Variants in ST6GALNAC3 observed in about 807,000 individuals in gnomAD.
The protein encoded by ST6GALNAC3 is ST6 N-acetylgalactosaminide alpha-2,6-sialyltransferase 3, also known as alpha-N-acetylgalactosaminide alpha-2,6-sialyltransferase 3.
A neutral mutation model predicts 32.7 loss-of-function variants in ST6GALNAC3; 25 were observed. That is an observed-to-expected ratio of 0.76 (90% CI 0.56 to 1.07). ST6GALNAC3 has a LOEUF of 1.07. Among genes scored for constraint, ST6GALNAC3 ranks in the 50% least tolerant of loss-of-function variants. ST6GALNAC3 has a pLI of 0.00. For synonymous variants in ST6GALNAC3, 129 were observed against 133.1 expected, an observed-to-expected ratio of 0.97 and a Z score of 0.21; for missense variants, 355 against 382.4, an observed-to-expected ratio of 0.93 and a Z score of 0.60.
intron 3 of ST6GALNAC3, among the ~76,000 whole-genome samples, chr1:76,424,202 A>G (rs1028133299): frequency 1.3e-5 from 2 of 151,922 alleles, no homozygotes; most frequent in Non-Finnish European, 2.9e-5. Context: ...TAGTGATTGT[A>G]ATTAATTTGC....
chr1:76,634,749 G>A (rs1314258384), downstream of ST6GALNAC3: 4 of 90,138 alleles, frequency 4.4e-5, 2 homozygotes, highest in African/African-American at 2.3e-4. Flanking sequence ...GCCCAGGCTG[G>A]AGTGCAGTGG....
intron 1 of ST6GALNAC3, among the ~76,000 whole-genome samples, chr1:76,085,468 A>T (rs1162009372): frequency 2.0e-5 from 3 of 152,188 alleles, no homozygotes; most frequent in African/African-American, 7.2e-5. Flanking sequence ...TAAATACGGT[A>T]CGTGGAAGAG....
chr1:76,300,011 A>G (rs1660635866), intron 1 of ST6GALNAC3, among the ~76,000 whole-genome samples: 1 of 152,012 alleles, frequency 6.6e-6, no homozygotes, highest in South Asian at 2.1e-4. Flanking sequence ...AAGATGTTTG[A>G]CCATGTGCGC....
intron 2 of ST6GALNAC3, among the ~76,000 whole-genome samples, chr1:76,389,115 G>A (rs1479708113): frequency 6.6e-6 from 1 of 150,998 alleles, no homozygotes; most frequent in Non-Finnish European, 1.5e-5. Flanking sequence ...GACTAAAGGG[G>A]AGGATTTACC....
At chr1:76,420,765 G>T (rs889194364) in intron 3 of ST6GALNAC3, among the ~76,000 whole-genome samples, 1 of 151,892 alleles carries the variant, frequency 6.6e-6, no homozygotes, top group African/African-American at 2.4e-5. Context: ...GGCAGAGATA[G>T]TTCCCTCTGC....
At chr1:76,482,967 C>G (rs950229438) in intron 3 of ST6GALNAC3, among the ~76,000 whole-genome samples, 10 of 149,206 alleles carry the variant, frequency 6.7e-5, no homozygotes, top group South Asian at 2.1e-4. Flanking sequence ...TGAGTGAGAA[C>G]ATGTGGTGTT....
chr1:76,313,863 G>A lies in ST6GALNAC3; in HGVS notation c.77G>A (p.Arg26His), dbSNP rs764007928. Residue 26 changes from arginine (R) to histidine (H), a missense_variant, in exon 2 of 5, where the codon CGT becomes CAT. Physicochemically the swap from Arg to His is conservative, Grantham distance 29 (BLOSUM62 0). Transcript: ENST00000328299. Reference protein sequence around the residue: ...IAAFLFLLVVRLVNEVNFPLL... With the variant: ...IAAFLFLLVVHLVNEVNFPLL... ...GCGTTCCTTTTCCTGCTGGTTGTGC[G>A]TCTTGTAAATGAAGTGAATTTCCCA... The A allele has an allele frequency of 2.9e-5, 47 of 1,613,448 alleles. 1 individual carries two copies. The highest frequency in any genetic ancestry group is 5.3e-5 in the African/African-American group (4 of 74,840).
intron 2 of ST6GALNAC3, among the ~76,000 whole-genome samples, chr1:76,407,862 T>C (rs972942255): frequency 6.6e-6 from 1 of 151,944 alleles, no homozygotes; most frequent in Non-Finnish European, 1.5e-5. Flanking sequence ...TGAAGACATA[T>C]GGAATAAATT....
chr1:76,556,058 G>A (rs1482037146), intron 3 of ST6GALNAC3, among the ~76,000 whole-genome samples: 1 of 152,010 alleles, frequency 6.6e-6, no homozygotes, highest in Non-Finnish European at 1.5e-5. Context: ...CTAGCTGTAA[G>A]CAGCCACTAA....
intron 1 of ST6GALNAC3, among the ~76,000 whole-genome samples, chr1:76,258,572 A>C (rs1391172095): frequency 6.6e-6 from 1 of 152,182 alleles, no homozygotes. Context: ...GAGGCAATGC[A>C]TTCTAGAATG....
At chr1:76,572,319 G>C (rs1646715369) in intron 3 of ST6GALNAC3, among the ~76,000 whole-genome samples, 1 of 151,964 alleles carries the variant, frequency 6.6e-6, no homozygotes, top group African/African-American at 2.4e-5. Context: ...CAGTGCCTGT[G>C]ACATATTAAG....
chr1:76,441,088 CAAAA>C lies in ST6GALNAC3; in HGVS notation c.623+28688_623+28691del, dbSNP rs397980569. Among the ~76,000 whole-genome samples the C allele has an allele frequency of 1.4e-4, 13 of 90,258 alleles. No homozygotes were observed. In the South Asian group the frequency reaches 5.5e-3, roughly 38 times the overall value. The allele number at this position is 90,258 out of a possible 152,430, so 59.2% of individuals were successfully genotyped here. ...GGGCGACAGAGTGAGACTATGTCTC[CAAAA>C]AAAAAAAAAAAAAAAATAAGAGAAA... On this transcript the variant is annotated intron_variant, in intron 3 of 4. Coordinates refer to ENST00000328299, the MANE Select transcript of ST6GALNAC3 (RefSeq NM_152996.4).
intron 3 of ST6GALNAC3, among the ~76,000 whole-genome samples, chr1:76,486,059 T>G (rs1412749636): frequency 6.6e-6 from 1 of 152,212 alleles, no homozygotes; most frequent in African/African-American, 2.4e-5. Flanking sequence ...AATCCTGAGT[T>G]CTGGTTTGAT....
At chr1:76,335,420 C>T (rs1647381504) in intron 2 of ST6GALNAC3, among the ~76,000 whole-genome samples, 1 of 133,148 alleles carries the variant, frequency 7.5e-6, no homozygotes, top group Non-Finnish European at 1.6e-5. Flanking sequence ...GATGTGATCT[C>T]ATCACAGGGA....
intron 1 of ST6GALNAC3, among the ~76,000 whole-genome samples, chr1:76,272,098 T>G (rs1181361403): frequency 6.6e-6 from 1 of 150,630 alleles, no homozygotes; most frequent in African/African-American, 2.4e-5. Flanking sequence ...GAGGGTGAGG[T>G]GGGTGGATCA....
chr1:76,396,083 CTA>C (rs1405064977), intron 2 of ST6GALNAC3, among the ~76,000 whole-genome samples: 14 of 152,196 alleles, frequency 9.2e-5, no homozygotes, highest in Middle Eastern at 3.4e-3. Context: ...GATGCCATAA[CTA>C]TGCACAAATA....
intron 1 of ST6GALNAC3, among the ~76,000 whole-genome samples, chr1:76,223,445 C>G (rs66973173): frequency 0.099 from 15,088 of 152,120 alleles, 947 homozygotes; most frequent in African/African-American, 0.18. Flanking sequence ...AACTACCTAT[C>G]AGGTGCCATT....
At chr1:76,141,747 T>C (rs1431005231) in intron 1 of ST6GALNAC3, among the ~76,000 whole-genome samples, 1 of 152,112 alleles carries the variant, frequency 6.6e-6, no homozygotes, top group Non-Finnish European at 1.5e-5. Context: ...GCAAAATGGA[T>C]CTAGCATCTT....
At chr1:76,126,440 C>CTTCCTTCCTTCCTTCCTTCCTTCCTTTG (rs144548099) in intron 1 of ST6GALNAC3, among the ~76,000 whole-genome samples, 71 of 147,462 alleles carry the variant, frequency 4.8e-4, no homozygotes, top group Non-Finnish European at 8.3e-4. Context: ...TCCTTCCTTC[C>CTTCCTTCCTTCCTTCCTTCCTTCCTTTG]TTCCTTCCTT....
Sources: allele counts gnomAD v4.1 joint callset (sites outside exome capture counted in the v4.1 genomes callset), GRCh38; gene constraint gnomAD v4.1.1; transcripts MANE v1.5; gene names NCBI Gene and HGNC (gene_info 2026-07-23, HGNC 2026-07-21).